ING5: variants seen among roughly 807,000 people sequenced by gnomAD.
ING5 encodes the protein inhibitor of growth protein 5.
ING5 carries 17 observed loss-of-function variants against 37.4 expected under a neutral mutation model. The observed-to-expected ratio is 0.45, with a 90% CI of 0.31 to 0.68. The LOEUF (loss-of-function observed/expected upper bound fraction) is 0.68. ING5 is among the 30% of genes least tolerant of loss of function. The pLI is 0.05. For missense variants in ING5, 233 were observed against 311.9 expected (o/e 0.75, Z 1.91); for synonymous variants, 123 against 116.6 (o/e 1.06, Z -0.36).
chr2:241,711,200 A>G lies in ING5; in HGVS notation c.277-177A>G, dbSNP rs186754614. Among the ~76,000 whole-genome samples the G allele has an allele frequency of 1.4e-4, 22 of 152,346 alleles. 1 individual carries two copies. The East Asian group carries it at 3.9e-3, about 27-fold the overall frequency. ...ATTGCAATGTCAAAATATGCAGAAA[A>G]AGCACAAGACCCTTGCATGGACTTT... On this transcript the variant is annotated intron_variant, in intron 3 of 7. Coordinates refer to ENST00000313552, the MANE Select transcript of ING5 (RefSeq NM_032329.6).
chr2:241,715,312 G>A (rs553563348), intron 5 of ING5, among the ~76,000 whole-genome samples: 9 of 150,414 alleles, frequency 6.0e-5, no homozygotes, highest in South Asian at 2.1e-4. Flanking sequence ...CTCCCACTTC[G>A]GCCTCCCAAG....
intron 1 of ING5, among the ~76,000 whole-genome samples, chr2:241,702,308 G>A (rs1038807718): frequency 6.7e-6 from 1 of 149,694 alleles, no homozygotes; most frequent in Non-Finnish European, 1.5e-5. Flanking sequence ...GGGTCCCGCC[G>A]GCTGGGTCGC....
chr2:241,695,509 A>C (rs2069617829), intron 2 of ING5, among the ~76,000 whole-genome samples: 2 of 152,188 alleles, frequency 1.3e-5, no homozygotes, highest in Non-Finnish European at 2.9e-5. Flanking sequence ...AATTTGGTGA[A>C]AGCCCATCTC....
chr2:241,687,260 T>C, exon 1 of ING5: 1 of 397,956 alleles, frequency 2.5e-6, no homozygotes, highest in African/African-American at 2.1e-5. Flanking sequence ...AGGGCTCCGG[T>C]CACGCGGCGC....
At position 241,705,701 on chromosome 2, in the gene ING5, C is replaced by T. The variant is rs574778075; in HGVS notation, c.109+977C>T. ...GATTACAGGCATGAGCCACCGCGCC[C>T]GGCCCTTAAACTCCCTGTTTCTAAA... is the stretch of plus-strand genomic sequence containing the variant. On this transcript the variant is annotated intron_variant, in intron 2 of 7. Transcript: ENST00000313552. Among the ~76,000 whole-genome samples, 45 of 152,126 alleles carry T rather than the reference C, an allele frequency of 3.0e-4. 1 individual carries two copies. Among genetic ancestry groups the T allele is most frequent in the Non-Finnish European group, 2.5e-4 (17 of 68,004 alleles).
chr2:241,703,273 G>A (rs1304443297), intron 1 of ING5, among the ~76,000 whole-genome samples: 1 of 152,196 alleles, frequency 6.6e-6, no homozygotes, highest in Non-Finnish European at 1.5e-5. Flanking sequence ...GGGGCTGGAA[G>A]CATCAGATGC....
At chr2:241,701,949 G>A (rs2069737522), upstream of ING5, 11 of 529,806 alleles carry the variant, frequency 2.1e-5, no homozygotes, top group Non-Finnish European at 2.8e-5. Context: ...CCCCGCCCCC[G>A]GGCGCGACCA....
rs1242906794 is a variant in ING5 at position 241,725,322 on chromosome 2, C to T, written c.*291C>T. ...CGGGCGCGCGTGAGCTCGGGCTGCC[C>T]GGCCGGGCGTGCGGGCGGGGACATG... On this transcript the variant is annotated 3_prime_UTR_variant, in exon 8 of 8. Transcript: ENST00000313552. 2.3e-5 allele frequency: 10 copies of T among 433,154 alleles called. No individual in the cohort carries two copies. The highest frequency in any genetic ancestry group is 2.1e-4 in the South Asian group (9 of 42,790). The allele number at this position is 433,154 out of a possible 1,614,324, so 26.8% of individuals were successfully genotyped here. A position where few individuals can be genotyped will look rare whatever the true frequency, so the allele number is the denominator to read the frequency against.
At chr2:241,711,722 G>A (rs2070116855) in intron 4 of ING5, 5 of 570,464 alleles carry the variant, frequency 8.8e-6, no homozygotes, top group Admixed American at 6.7e-5. Context: ...GCAACATAGC[G>A]AGACCTCATC....
At chr2:241,692,639 T>A (rs766773395) in intron 2 of ING5, among the ~76,000 whole-genome samples, 1 of 152,094 alleles carries the variant, frequency 6.6e-6, no homozygotes, top group Non-Finnish European at 1.5e-5. Flanking sequence ...GTGAAAGTAC[T>A]GATGCCAGCT....
At chr2:241,713,058 C>CT (rs112809236) in intron 5 of ING5, among the ~76,000 whole-genome samples, 12,609 of 136,404 alleles carry the variant, frequency 0.092, 1,326 homozygotes, top group African/African-American at 0.26. Context: ...GGACAATTTT[C>CT]TTTTTTTTTT....
intron 2 of ING5, 147 bp downstream of exon 2, chr2:241,704,871 C>G (rs906014868): frequency 7.5e-6 from 5 of 664,070 alleles, no homozygotes; most frequent in Non-Finnish European, 1.4e-5. Flanking sequence ...CACTCAGTGT[C>G]TTGCAGTAGG....
upstream of ING5, among the ~76,000 whole-genome samples, chr2:241,699,743 G>A (rs1239735424): frequency 1.3e-5 from 2 of 152,062 alleles, no homozygotes; most frequent in African/African-American, 2.4e-5. Context: ...AGTTCTTGGG[G>A]CTCGGGGAGC....
intron 5 of ING5, chr2:241,719,583 C>T: frequency 6.5e-7 from 1 of 1,536,146 alleles, no homozygotes; most frequent in South Asian, 1.2e-5. Flanking sequence ...TCCTCCTGGT[C>T]TCTTCCTCAC....
upstream of ING5, among the ~76,000 whole-genome samples, chr2:241,697,927 A>G (rs962479955): frequency 3.9e-5 from 6 of 151,970 alleles, no homozygotes; most frequent in African/African-American, 2.4e-5. Flanking sequence ...TGCTTAAAAT[A>G]CAAAACTTAG....
chr2:241,721,743 A>C (rs1027168494), intron 5 of ING5: 10 of 985,374 alleles, frequency 1.0e-5, no homozygotes, highest in African/African-American at 1.7e-5. Context: ...CACTGTCTAT[A>C]GTACCTGCAG....
intron 2 of ING5, among the ~76,000 whole-genome samples, chr2:241,695,651 A>C (rs1278101841): frequency 6.6e-6 from 1 of 151,924 alleles, no homozygotes; most frequent in Non-Finnish European, 1.5e-5. Context: ...GCGCCACCAC[A>C]CTCCAGCCTG....
upstream of ING5, among the ~76,000 whole-genome samples, chr2:241,700,996 CAG>C (rs2069710465): frequency 7.1e-6 from 1 of 140,110 alleles, no homozygotes; most frequent in Non-Finnish European, 1.5e-5. Context: ...TTTTTGAAGA[CAG>C]AGTCTTGCTC....
In ING5 at chr2:241,704,794, TG is replaced by T. The variant is rs1422514992; in HGVS notation, c.109+75del. 7.4e-6 allele frequency: 10 copies of T among 1,349,264 alleles called. No individual in the cohort carries two copies. In the East Asian group the frequency reaches 1.2e-4, roughly 16 times the overall value. The allele number at this position is 1,349,264 out of a possible 1,614,324, so 83.6% of individuals were successfully genotyped here. On this transcript the variant is annotated intron_variant, in intron 2 of 7. Transcript: ENST00000313552. ...GTGGGAGCCAGCAGCTCCTGAAGGC[TG>T]GGGGCAGAGGGTTTTGAGGGGACCC...
Sources: allele counts gnomAD v4.1 joint callset (sites outside exome capture counted in the v4.1 genomes callset), GRCh38; gene constraint gnomAD v4.1.1; transcripts MANE v1.5; gene names NCBI Gene and HGNC (gene_info 2026-07-23, HGNC 2026-07-21).